RTN4: variants seen among roughly 807,000 people sequenced by gnomAD.
The protein encoded by RTN4 is reticulon 4.
Under a neutral mutation model 90.4 loss-of-function variants are expected in RTN4, and 32 were observed. The ratio of observed to expected loss-of-function variants is 0.35; its 90% CI spans 0.27 to 0.48. The LOEUF (loss-of-function observed/expected upper bound fraction) is 0.48, where lower values mean the gene tolerates loss of function less well. Ranked by LOEUF, RTN4 falls within the 20% of genes least tolerant of loss-of-function variation. The probability of loss-of-function intolerance (pLI) is 0.99; values close to 1 mark genes in which losing one functional copy is unlikely to be tolerated. For missense variants in RTN4, 1,706 were observed against 1,430.2 expected, an observed-to-expected ratio of 1.19 and a Z score of -3.11; for synonymous variants, 629 against 552.5, an observed-to-expected ratio of 1.14 and a Z score of -1.94.
At chr2:55,109,557 A>G (rs909771939) in intron 1 of RTN4, among the ~76,000 whole-genome samples, 3 of 152,146 alleles carry the variant, frequency 2.0e-5, no homozygotes, top group African/African-American at 7.2e-5. Flanking sequence ...CTCTGAAAAT[A>G]TTTGTTACTG....
the RTN4 span, among the ~76,000 whole-genome samples, chr2:55,135,171 T>C: frequency 6.6e-6 from 1 of 151,718 alleles, no homozygotes; most frequent in Non-Finnish European, 1.5e-5. Context: ...AAAATCTCAC[T>C]AGTAATTTTT....
At chr2:54,985,102 T>A (rs1450777599) in intron 4 of RTN4, among the ~76,000 whole-genome samples, 1 of 148,522 alleles carries the variant, frequency 6.7e-6, no homozygotes, top group Non-Finnish European at 1.5e-5. Flanking sequence ...CATAACTAAT[T>A]AAAAATCATA....
At chr2:55,132,893 G>T in the RTN4 span, among the ~76,000 whole-genome samples, 16 of 77,852 alleles carry the variant, frequency 2.1e-4, no homozygotes, top group Admixed American at 6.7e-4. Context: ...CAGTTTTGTT[G>T]TTGTTTTTTT....
intron 3 of RTN4, among the ~76,000 whole-genome samples, chr2:54,993,699 G>A (rs1201820683): frequency 3.3e-5 from 5 of 152,184 alleles, no homozygotes; most frequent in African/African-American, 4.8e-5. Flanking sequence ...CAGACATACT[G>A]AAACAAGTAC....
chr2:55,058,247 G>A (rs927669927), intron 2 of RTN4, among the ~76,000 whole-genome samples: 2 of 152,042 alleles, frequency 1.3e-5, no homozygotes, highest in Non-Finnish European at 2.9e-5. Flanking sequence ...GATTCTATGA[G>A]TGTTGCACTA....
the RTN4 span, among the ~76,000 whole-genome samples, chr2:55,121,928 G>A: frequency 6.6e-6 from 1 of 152,002 alleles, no homozygotes; most frequent in African/African-American, 2.4e-5. Flanking sequence ...GATTGCTAGA[G>A]TACATAACAA....
intron 3 of RTN4, among the ~76,000 whole-genome samples, chr2:55,009,839 T>G (rs1450854749): frequency 6.6e-6 from 1 of 152,294 alleles, no homozygotes; most frequent in East Asian, 1.9e-4. Flanking sequence ...TGTGCAAGAT[T>G]AGAGAACAGA....
At chr2:55,057,210 C>A (rs2104998047) in intron 2 of RTN4, among the ~76,000 whole-genome samples, 1 of 152,338 alleles carries the variant, frequency 6.6e-6, no homozygotes, top group African/African-American at 2.4e-5. Context: ...TATTAAATAT[C>A]TGCATAGCTT....
Position 54,983,721 on chromosome 2 carries a change from G to A in RTN4, c.3222-1068C>T, listed in dbSNP as rs369837817. On this transcript the variant is annotated intron_variant, in intron 4 of 8. Coordinates refer to ENST00000337526, the MANE Select transcript of RTN4 (RefSeq NM_020532.5). The stretch of plus-strand genomic sequence containing the variant: ...ATCTGCCTGCATCCAAATCCATTCC[G>A]TCAGCCAATGCCAGAATAACCTTAT... Among the ~76,000 whole-genome samples the A allele has an allele frequency of 3.9e-5, 6 of 152,238 alleles. No individual in the cohort carries two copies. The South Asian group carries it at 8.3e-4, about 21-fold the overall frequency.
chr2:55,026,792 T>C lies in RTN4; in HGVS notation c.1307A>G (p.Lys436Arg). The change falls in exon 3 of 9, where the codon AAA (lysine) becomes AGA (arginine). Residue 436 changes from lysine to arginine, a missense_variant. Lys to Arg is a conservative substitution (Grantham distance 26). Transcript: ENST00000337526. ...ATCATCATTACTACTCTCACTATCT[T>C]TTTCGTGATTAGTTTGCTCAAGGCT... ...ADSLEQTNHEKDSESSNDDTS... is the reference protein window; with the variant it reads ...ADSLEQTNHERDSESSNDDTS... 1 of 1,613,948 alleles carries C rather than the reference T, an allele frequency of 6.2e-7. No individual in the cohort carries two copies. The highest frequency in any genetic ancestry group is 1.1e-5 in the South Asian group (1 of 91,078).
chr2:54,987,665 T>G lies in RTN4; in HGVS notation c.3047A>C (p.Lys1016Thr). ...VDLLYWRDIK[K>T]TGVVFGASLF... ...GCTGGCACCAAACACCACTCCAGTC[T>G]TCTTAATGTCTCTCCAGTACAGGAG... Residue 1016 changes from lysine to threonine, a missense_variant, in exon 4 of 9, where the codon AAG becomes ACG. Transcript: ENST00000337526. 6.2e-7 allele frequency: 1 copy of G among 1,614,122 alleles called. No individual in the cohort carries two copies. Among genetic ancestry groups the G allele is most frequent in the East Asian group, 2.2e-5 (1 of 44,884 alleles).
chr2:55,041,449 A>G (rs963570701), intron 1 of RTN4, among the ~76,000 whole-genome samples: 2 of 152,112 alleles, frequency 1.3e-5, no homozygotes, highest in Non-Finnish European at 2.9e-5. Context: ...GCCAAGAAAA[A>G]TATTTATGGA....
intron 1 of RTN4, among the ~76,000 whole-genome samples, chr2:55,081,700 A>G (rs1668721543): frequency 6.6e-6 from 1 of 151,802 alleles, no homozygotes; most frequent in Non-Finnish European, 1.5e-5. Context: ...TCATCTCTCA[A>G]AAATTTTTTT....
At chr2:55,097,365 G>A (rs557803324) in intron 1 of RTN4, among the ~76,000 whole-genome samples, 1 of 151,956 alleles carries the variant, frequency 6.6e-6, no homozygotes, top group Admixed American at 6.6e-5. Context: ...TCTGGGGTTG[G>A]GGGGAAAGCC....
intron 1 of RTN4, among the ~76,000 whole-genome samples, chr2:55,041,195 G>T (rs1055726741): frequency 1.3e-5 from 2 of 151,778 alleles, no homozygotes; most frequent in African/African-American, 4.8e-5. Flanking sequence ...TTACAAGGAG[G>T]CTAGAATATT....
At chr2:55,137,065 A>C in the RTN4 span, among the ~76,000 whole-genome samples, 5 of 152,248 alleles carry the variant, frequency 3.3e-5, no homozygotes, top group Non-Finnish European at 5.9e-5. Context: ...GCATAAAGAC[A>C]GGGCTCTGGC....
chr2:55,056,286 C>G (rs534196290), intron 2 of RTN4, among the ~76,000 whole-genome samples: 1 of 152,258 alleles, frequency 6.6e-6, no homozygotes, highest in East Asian at 1.9e-4. Context: ...CACTTAGCAG[C>G]CATCCCTGGG....
In RTN4 at chr2:55,026,148, G is replaced by A. The variant is rs1437927997; in HGVS notation, c.1951C>T (p.His651Tyr). The change falls in exon 3 of 9, where the codon CAT becomes TAT. Residue 651 changes from histidine to tyrosine, a missense_variant. Physicochemically the swap from His to Tyr is moderately conservative, Grantham distance 83 (BLOSUM62 2). Coordinates refer to ENST00000337526, the MANE Select transcript of RTN4 (RefSeq NM_020532.5). ...ASSVNYESIKHEPENPPPYEE... is the reference protein window; with the variant it reads ...ASSVNYESIKYEPENPPPYEE... ...TATGGTGGGGGGTTTTCAGGCTCAT[G>A]TTTTATGCTTTCATAATTAACTGAA... 12 of 1,613,392 alleles carry A rather than the reference G, an allele frequency of 7.4e-6. No homozygotes were observed. The highest frequency in any genetic ancestry group is 1.0e-5 in the Non-Finnish European group (12 of 1,179,776).
chr2:55,070,877 C>T lies in RTN4; in HGVS notation c.-63+9612G>A, dbSNP rs563679768. The stretch of plus-strand genomic sequence containing the variant: ...CTGCAAGCTCTGTCTCCCGGGTTCA[C>T]GCCATTCTCCTGCCTCAGCCTCCCG... On this transcript the variant is annotated intron_variant, in intron 2 of 3. Transcript: ENST00000427710. Among the ~76,000 whole-genome samples the T allele has an allele frequency of 4.0e-5, 6 of 151,746 alleles. No homozygotes were observed. In the East Asian group the frequency reaches 7.8e-4, roughly 20 times the overall value.
Sources: allele counts gnomAD v4.1 joint callset (sites outside exome capture counted in the v4.1 genomes callset), GRCh38; gene constraint gnomAD v4.1.1; transcripts MANE v1.5; gene names NCBI Gene and HGNC (gene_info 2026-07-23, HGNC 2026-07-21).